The following COL14A1 variants were observed in gnomAD, a reference collection of about 807,000 sequenced individuals.
The protein encoded by COL14A1 is collagen type XIV alpha 1 chain.
COL14A1 carries 136 observed loss-of-function variants against 230.3 expected under a neutral mutation model. The observed-to-expected ratio is 0.59, with a 90% CI of 0.51 to 0.68. The LOEUF (loss-of-function observed/expected upper bound fraction) is 0.68, where lower values mean the gene tolerates loss of function less well. Among genes scored for constraint, COL14A1 ranks in the 30% least tolerant of loss-of-function variants. The probability of loss-of-function intolerance (pLI) is 0.00; values close to 1 mark genes in which losing one functional copy is unlikely to be tolerated. For missense variants in COL14A1, 1,976 were observed against 2,215.8 expected (o/e 0.89, Z 2.17); for synonymous variants, 792 against 784.1 (o/e 1.01, Z -0.17).
chr8:120,312,918 C>T (rs7004292), intron 37 of COL14A1, among the ~76,000 whole-genome samples: 150,688 of 152,336 alleles, frequency 0.99, 74,535 homozygotes, highest in Middle Eastern at 1. Context: ...AGTCACAGAA[C>T]GAGACAGAAG....
intron 8 of COL14A1, 29 bp downstream of exon 8, chr8:120,199,595 C>T (rs372613006): frequency 2.5e-6 from 4 of 1,596,364 alleles, no homozygotes; most frequent in Non-Finnish European, 3.4e-6. Context: ...CTTGTTTCAA[C>T]TAAGGGCATA....
At chr8:120,209,206 C>CA (rs1250264817) in intron 11 of COL14A1, among the ~76,000 whole-genome samples, 1 of 151,972 alleles carries the variant, frequency 6.6e-6, no homozygotes, top group Non-Finnish European at 1.5e-5. Context: ...CCGATCTCTA[C>CA]AAAAAATACA....
chr8:120,243,993 G>A lies in COL14A1; in HGVS notation c.2464G>A (p.Ala822Thr), dbSNP rs767547791. The change falls in exon 20 of 48, where the codon GCT (alanine) becomes ACT (threonine). Residue 822 changes from alanine to threonine, a missense_variant. Ala to Thr is a moderately conservative substitution (Grantham distance 58). Transcript: ENST00000297848. The part of the protein sequence containing the change: ...YTDGEGVSVS[A>T]PGKTLPSSGP... The stretch of plus-strand genomic sequence containing the variant: ...GGATGGCGAAGGCGTCAGCGTCTCC[G>A]CTCCTGGAAAAACCTGTAAGTGAAG... 1.2e-5 allele frequency: 19 copies of A among 1,611,530 alleles called. No individual in the cohort carries two copies. The highest frequency in any genetic ancestry group is 6.6e-5 in the South Asian group (6 of 90,588).
chr8:120,251,415 C>T (rs568451368), intron 22 of COL14A1, among the ~76,000 whole-genome samples: 39 of 152,296 alleles, frequency 2.6e-4, no homozygotes, highest in African/African-American at 8.2e-4. Flanking sequence ...GGTCACTCCA[C>T]CCCCTTGCAC....
At chr8:120,299,824 G>C (rs922932224) in intron 35 of COL14A1, among the ~76,000 whole-genome samples, 4 of 152,064 alleles carry the variant, frequency 2.6e-5, no homozygotes, top group Non-Finnish European at 4.4e-5. Flanking sequence ...ATATTGTAGA[G>C]ACTCAGATTA....
chr8:120,196,847 G>A lies in COL14A1; in HGVS notation c.493G>A (p.Gly165Ser). The A allele has an allele frequency of 1.9e-6, 3 of 1,613,996 alleles. No individual in the cohort carries two copies. The highest frequency in any genetic ancestry group is 2.5e-6 in the Non-Finnish European group (3 of 1,179,964). Residue 165 changes from glycine (G) to serine (S), a missense_variant, in exon 6 of 48, where the codon GGT (glycine) becomes AGT (serine). Gly to Ser is a moderately conservative substitution (Grantham distance 56). This residue lies in a region of COL14A1 where 4 missense variants were observed against 17.7 expected (regional missense o/e 0.23). Transcript: ENST00000297848. Reference protein sequence around the residue: ...AIADIVILVDGSWSIGRFNFR... With the variant: ...AIADIVILVDSSWSIGRFNFR... ...TGCTGACATTGTAATCCTGGTCGAT[G>A]GTTCATGGAGTATTGGAAGATTCAA... is the stretch of plus-strand genomic sequence containing the variant.
At position 120,148,509 on chromosome 8, in the gene COL14A1, A is replaced by G. The variant is rs371214407; in HGVS notation, c.88+579A>G. ...ATTTTTATGTTATGATATCAGTTAT[A>G]TTAATAATGCTCTAATAATTAAATT... is the stretch of plus-strand genomic sequence containing the variant. On this transcript the variant is annotated intron_variant, in intron 2 of 47. Transcript: ENST00000297848. Among the ~76,000 whole-genome samples, 16 of 152,320 alleles carry G rather than the reference A, an allele frequency of 1.1e-4. 1 individual carries two copies. The East Asian group carries it at 1.2e-3, about 11-fold the overall frequency.
intron 5 of COL14A1, among the ~76,000 whole-genome samples, chr8:120,171,301 A>T (rs11992704): frequency 0.046 from 7,069 of 152,224 alleles, 580 homozygotes; most frequent in African/African-American, 0.16. Context: ...ATTATTGAAT[A>T]TATTTATTAT....
chr8:120,332,215 C>G, intron 41 of COL14A1, 21 bp downstream of exon 41: 1 of 1,606,268 alleles, frequency 6.2e-7, no homozygotes, highest in South Asian at 1.1e-5. Context: ...CCAGAAACTA[C>G]TGGGACATAC....
intron 2 of COL14A1, among the ~76,000 whole-genome samples, chr8:120,151,662 C>CAAAAAAAAAAAAAAAAAAAAAAA (rs1563637684): frequency 1.0e-5 from 1 of 97,400 alleles, no homozygotes; most frequent in African/African-American, 3.3e-5. Flanking sequence ...AAAAAAAAAG[C>CAAAAAAAAAAAAAAAAAAAAAAA]AAAGTCAGTG....
chr8:120,175,951 A>T (rs997266725), intron 5 of COL14A1, among the ~76,000 whole-genome samples: 2 of 152,176 alleles, frequency 1.3e-5, no homozygotes, highest in Non-Finnish European at 2.9e-5. Context: ...TTATACTCCC[A>T]TATTTGATTC....
At chr8:120,313,568 C>T (rs925558252) in intron 37 of COL14A1, among the ~76,000 whole-genome samples, 12 of 152,238 alleles carry the variant, frequency 7.9e-5, no homozygotes, top group African/African-American at 2.4e-4. Flanking sequence ...TTCATCTGGA[C>T]AGTGTGAACC....
At chr8:120,154,949 T>C (rs1019548242) in intron 2 of COL14A1, among the ~76,000 whole-genome samples, 1 of 152,212 alleles carries the variant, frequency 6.6e-6, no homozygotes, top group Non-Finnish European at 1.5e-5. Flanking sequence ...CCAGTCCCAG[T>C]GCCTTCTGAA....
chr8:120,258,440 A>G (rs1819224417), intron 23 of COL14A1, among the ~76,000 whole-genome samples: 1 of 151,992 alleles, frequency 6.6e-6, no homozygotes, highest in African/African-American at 2.4e-5. Context: ...AAATAAACTG[A>G]CTGTTTGGAC....
At chr8:120,241,793 G>C (rs1818616607) in intron 19 of COL14A1, among the ~76,000 whole-genome samples, 1 of 152,094 alleles carries the variant, frequency 6.6e-6, no homozygotes, top group Non-Finnish European at 1.5e-5. Context: ...TGGGGTTTCG[G>C]TATGGCTCTT....
intron 34 of COL14A1, among the ~76,000 whole-genome samples, chr8:120,292,756 T>C (rs1257673909): frequency 6.6e-6 from 1 of 152,136 alleles, no homozygotes; most frequent in Non-Finnish European, 1.5e-5. Flanking sequence ...CTCCATTCCC[T>C]GCCAAATCCA....
At position 120,333,657 on chromosome 8, in the gene COL14A1, C is replaced by T. The variant is rs1015664901; in HGVS notation, c.4785+922C>T. ...GCTTAAAACATCACAAATTTGTTAT[C>T]TTACAGTTCCGCAGGTCAGAAGTCT... On this transcript the variant is annotated intron_variant, in intron 42 of 47. Transcript: ENST00000297848. Among the ~76,000 whole-genome samples, 4 of 152,156 alleles carry T rather than the reference C, an allele frequency of 2.6e-5. No homozygotes were observed. In the South Asian group the frequency reaches 8.3e-4, roughly 32 times the overall value.
chr8:120,367,127 T>A (rs1001405596), intron 45 of COL14A1, 44 bp from the exon 46 acceptor site: 1 of 1,479,746 alleles, frequency 6.8e-7, no homozygotes, highest in Admixed American at 2.2e-5. Context: ...CAAGATTTTC[T>A]TTTAAAAAGA....
intron 5 of COL14A1, among the ~76,000 whole-genome samples, chr8:120,168,882 A>T (rs1816005667): frequency 6.6e-6 from 1 of 151,926 alleles, no homozygotes; most frequent in Non-Finnish European, 1.5e-5. Context: ...TTGAGGCAGG[A>T]TCTCACTCTG....
Sources: gnomAD v4.1 joint callset for allele counts (sites outside exome capture counted in the v4.1 genomes callset) on GRCh38, gnomAD v4.1.1 for gene constraint, gnomAD v4.1.1 regional missense constraint, MANE v1.5 for transcripts, NCBI Gene and HGNC (gene_info 2026-07-23, HGNC 2026-07-21) for gene names.